The following MTRR variants were observed in gnomAD, a reference collection of about 807,000 sequenced individuals.
The protein encoded by MTRR is methionine synthase reductase.
A neutral mutation model predicts 79.2 loss-of-function variants in MTRR; 63 were observed. The observed-to-expected ratio is 0.80, with a 90% CI of 0.65 to 0.98. The LOEUF is 0.98. Among genes scored for constraint, MTRR ranks in the 50% least tolerant of loss-of-function variants. MTRR has a pLI of 0.00. For missense variants in MTRR, 895 were observed against 839.6 expected (o/e 1.07, Z -0.82); for synonymous variants, 355 against 313.3 (o/e 1.13, Z -1.41).
rs563223311 is a variant in MTRR at position 7,876,044 on chromosome 5, A to T, written c.401+669A>T. 5.2e-4 allele frequency among the ~76,000 whole-genome samples: 79 copies of T among 152,356 alleles called. 2 individuals are homozygous for T. The highest frequency in any genetic ancestry group is 1.9e-3 in the African/African-American group (78 of 41,588). On this transcript the variant is annotated intron_variant, in intron 4 of 14. Coordinates refer to ENST00000440940, the MANE Select transcript of MTRR (RefSeq NM_002454.3). ...AACTATTTTAGCCAGATAACAGCAC[A>T]CACCCTTAATTTTTTTCTAGTAGGT...
At chr5:7,883,060 G>A (rs967390000) in intron 5 of MTRR, 95 bp from the exon 6 acceptor site, 1 of 1,556,076 alleles carries the variant, frequency 6.4e-7, no homozygotes, top group Non-Finnish European at 8.8e-7. Context: ...TAGCCAGGAA[G>A]TTTTGTAAGC....
intron 5 of MTRR, among the ~76,000 whole-genome samples, chr5:7,879,837 G>A (rs7703033): frequency 0.28 from 42,408 of 152,062 alleles, 6,188 homozygotes; most frequent in Non-Finnish European, 0.32. Context: ...GTGGTAGAGC[G>A]GCAGGACCTG....
At chr5:7,861,893 T>C in intron 1 of MTRR, 1 of 607,840 alleles carries the variant, frequency 1.6e-6, no homozygotes, top group Non-Finnish European at 2.4e-6. Context: ...GAATGGGTTC[T>C]GAAGTTATCT....
intron 2 of MTRR, among the ~76,000 whole-genome samples, chr5:7,862,588 G>GA (rs1490773782): frequency 6.6e-6 from 1 of 151,972 alleles, no homozygotes; most frequent in South Asian, 2.1e-4. Context: ...GAAGCAAGCA[G>GA]AAAAAGGTTA....
chr5:7,870,135 T>G (rs1457431419), intron 1 of MTRR: 7 of 960,458 alleles, frequency 7.3e-6, no homozygotes, highest in Non-Finnish European at 7.4e-6. Flanking sequence ...ATTGGAAATA[T>G]TTTTTCGTTA....
Position 7,883,500 on chromosome 5 carries a change from TATGCTGAGTTGTGTGGTGCTTGGTTAC to T in MTRR, c.903+226_903+252del. ...CTGAGTTGTGTGGTGCTTGGTTACA[TATGCTGAGTTGTGTGGTGCTTGGTTAC>T]ATATGCTGAGTTGTGTGGTGCTTGG... On this transcript the variant is annotated intron_variant, in intron 6 of 14. Transcript: ENST00000440940. Among the ~76,000 whole-genome samples the T allele has an allele frequency of 2.2e-5, 3 of 136,364 alleles. No homozygotes were observed. In the Middle Eastern group the frequency reaches 0.011, roughly 491 times the overall value. 89.5% of individuals were successfully genotyped at this position (136,364 alleles called of 152,430 possible).
At chr5:7,870,651 G>T in intron 1 of MTRR, 119 bp from the exon 2 acceptor site, 1 of 1,086,438 alleles carries the variant, frequency 9.2e-7, no homozygotes, top group South Asian at 1.3e-5. Context: ...TTTAGAAAAG[G>T]CCATTTCATA....
chr5:7,885,998 A>G, intron 7 of MTRR, 144 bp downstream of exon 7: 2 of 984,762 alleles, frequency 2.0e-6, no homozygotes, highest in Non-Finnish European at 3.2e-6. Flanking sequence ...GTCTGGGAAC[A>G]CAGGCATACG....
At chr5:7,858,219 G>A (rs1746310084) in intron 1 of MTRR, among the ~76,000 whole-genome samples, 2 of 152,154 alleles carry the variant, frequency 1.3e-5, no homozygotes, top group African/African-American at 4.8e-5. Flanking sequence ...TTAGCTGCAA[G>A]GAGGTGTGAA....
In MTRR at chr5:7,881,688, C is replaced by A. The variant is rs907953955; in HGVS notation, c.781-1467C>A. 3.3e-5 allele frequency among the ~76,000 whole-genome samples: 5 copies of A among 152,040 alleles called. No homozygotes were observed. In the South Asian group the frequency reaches 1.0e-3, roughly 32 times the overall value. ...GTCTTTCTAAGCTCCTGAGGATGTC[C>A]CCTGGCTTAGTTCTATTTTAGTTTT... On this transcript the variant is annotated intron_variant, in intron 5 of 14. Transcript: ENST00000440940.
At chr5:7,899,769 G>T in intron 14 of MTRR, 145 bp from the exon 15 acceptor site, 1 of 1,122,102 alleles carries the variant, frequency 8.9e-7, no homozygotes, top group South Asian at 1.3e-5. Context: ...GCATGAGTGA[G>T]GCTGGGAGAT....
intron 8 of MTRR, among the ~76,000 whole-genome samples, chr5:7,887,539 T>G (rs1374538839): frequency 2.7e-5 from 4 of 145,984 alleles, no homozygotes; most frequent in Non-Finnish European, 6.1e-5. Context: ...TCTAAATAAA[T>G]ATATGTATAT....
chr5:7,856,871 A>C (rs1453689114), intron 1 of MTRR: 2 of 115,358 alleles, frequency 1.7e-5, no homozygotes, highest in Non-Finnish European at 3.9e-5. Flanking sequence ...CACATTCCTC[A>C]CATAGAGGAA....
chr5:7,894,160 A>G (rs1198636305), intron 11 of MTRR, among the ~76,000 whole-genome samples: 2 of 152,090 alleles, frequency 1.3e-5, no homozygotes, highest in African/African-American at 2.4e-5. Flanking sequence ...TAACTATCCA[A>G]TCTATATGCA....
intron 3 of MTRR, among the ~76,000 whole-genome samples, chr5:7,874,356 C>G (rs1026903897): frequency 6.6e-6 from 1 of 152,040 alleles, no homozygotes; most frequent in African/African-American, 2.4e-5. Flanking sequence ...TCATATATAA[C>G]ATGTTCAAGA....
chr5:7,862,329 T>C (rs144413856), intron 2 of MTRR, among the ~76,000 whole-genome samples: 1 of 152,250 alleles, frequency 6.6e-6, no homozygotes, highest in East Asian at 1.9e-4. Context: ...TGCTGTCCAA[T>C]TTGGCAGCCA....
intron 5 of MTRR, among the ~76,000 whole-genome samples, chr5:7,880,119 C>T (rs1466249856): frequency 1.3e-5 from 2 of 150,928 alleles, no homozygotes; most frequent in African/African-American, 2.4e-5. Flanking sequence ...GCTGGCACTG[C>T]AGGCCCTTTA....
chr5:7,870,663 T>C, intron 1 of MTRR, 107 bp from the exon 2 acceptor site: 1 of 1,202,698 alleles, frequency 8.3e-7, no homozygotes, highest in Non-Finnish European at 1.2e-6. Context: ...CATTTCATAT[T>C]ATGTGTGGGT....
At chr5:7,875,691 C>T (rs759327340) in intron 4 of MTRR, among the ~76,000 whole-genome samples, 1 of 152,180 alleles carries the variant, frequency 6.6e-6, no homozygotes, top group Non-Finnish European at 1.5e-5. Flanking sequence ...GAACTTTAAT[C>T]GTGCATGTGC....
Sources: allele counts gnomAD v4.1 joint callset (sites outside exome capture counted in the v4.1 genomes callset), GRCh38; gene constraint gnomAD v4.1.1; transcripts MANE v1.5; gene names NCBI Gene and HGNC (gene_info 2026-07-23, HGNC 2026-07-21).